The following ZNF541 variants were observed in gnomAD, a reference collection of about 807,000 sequenced individuals.
ZNF541 encodes zinc finger protein 541.
A neutral mutation model predicts 123.5 loss-of-function variants in ZNF541; 23 were observed. That is an observed-to-expected ratio of 0.19 (90% CI 0.13 to 0.26). ZNF541 has a LOEUF of 0.26. ZNF541 is among the 10% of genes least tolerant of loss of function. The pLI is 1.00. For missense variants in ZNF541, 1,612 were observed against 1,789.9 expected (o/e 0.90, Z 1.79); for synonymous variants, 751 against 754.5 (o/e 1.00, Z 0.08).
chr19:47,572,068 A>C lies in ZNF541; in HGVS notation c.-245-26T>G, dbSNP rs140496857. 5.4e-3 allele frequency among the ~76,000 whole-genome samples: 829 copies of C among 152,318 alleles called. 5 individuals are homozygous for C. Among genetic ancestry groups the C allele is most frequent in the Non-Finnish European group, 9.5e-3 (643 of 68,030 alleles). On this transcript the variant is annotated intron_variant, in intron 1 of 16. Transcript: ENST00000391901. ...CTGAAAGCAGGTGGTGGGAAGGAAG[A>C]AGCAGTCAGGACTTGGGTCCCAAAG...
At chr19:47,556,128 A>G (rs1315680966) in intron 2 of ZNF541, among the ~76,000 whole-genome samples, 174 bp from the exon 3 acceptor site, 1 of 152,226 alleles carries the variant, frequency 6.6e-6, no homozygotes, top group Non-Finnish European at 1.5e-5. Context: ...CCTCATCTGT[A>G]AACTGGGCAT....
Position 47,540,351 on chromosome 19 carries a change from G to A in ZNF541, c.2463-16C>T. ...TTGCTGGTTACTGTGGGACATGGCA[G>A]GAAAGAAGAGTGGGAGATTAGGACT... is the stretch of plus-strand genomic sequence containing the variant. On this transcript the variant is annotated splice_polypyrimidine_tract_variant and intron_variant, in intron 6 of 16. Coordinates refer to ENST00000391901, the MANE Select transcript of ZNF541 (RefSeq NM_001277075.3). The A allele has an allele frequency of 6.5e-7, 1 of 1,545,206 alleles. No homozygotes were observed. The highest frequency in any genetic ancestry group is 8.7e-7 in the Non-Finnish European group (1 of 1,143,258).
At chr19:47,543,787 C>T (rs955954457) in intron 5 of ZNF541, among the ~76,000 whole-genome samples, 5 of 151,794 alleles carry the variant, frequency 3.3e-5, no homozygotes, top group African/African-American at 7.3e-5. Context: ...GGACCACAGG[C>T]GTGTGCCACC....
chr19:47,545,080 C>G lies in ZNF541; in HGVS notation c.1449G>C (p.Ala483=), dbSNP rs929865656. Residue 483 remains alanine (A), a synonymous_variant, in exon 5 of 17, where the codon GCG becomes GCC. Transcript: ENST00000391901. This position sits in a 1 kb window ranked among gnomAD's most constrained non-coding sequence, Gnocchi z 7.5. ...PFPAALLRVP[A]EAPSDPRSAS... Reference sequence around the variant, plus strand: ...CCGACCTGGGGTCGCTCGGGGCCTCCGCGGGGACCCTGAGGAGCGCGGCAG... The same window carrying G: ...CCGACCTGGGGTCGCTCGGGGCCTCGGCGGGGACCCTGAGGAGCGCGGCAG... 3 of 1,477,414 alleles carry G rather than the reference C, an allele frequency of 2.0e-6. No individual in the cohort carries two copies. The African/African-American group carries it at 4.2e-5, about 21-fold the overall frequency. 91.5% of individuals were successfully genotyped at this position (1,477,414 alleles called of 1,614,324 possible). A position where few individuals can be genotyped will look rare whatever the true frequency, so the allele number is the denominator to read the frequency against.
chr19:47,525,934 A>C (rs934476692), intron 14 of ZNF541, among the ~76,000 whole-genome samples: 40 of 151,842 alleles, frequency 2.6e-4, no homozygotes, highest in Non-Finnish European at 4.6e-4. Context: ...AAAAAAAAAA[A>C]AAAAAAACTT....
intron 9 of ZNF541, among the ~76,000 whole-genome samples, chr19:47,536,870 C>T (rs1044133608): frequency 6.6e-6 from 1 of 152,090 alleles, no homozygotes; most frequent in Non-Finnish European, 1.5e-5. Flanking sequence ...CAAAATGGGG[C>T]CCATCTGTAC....
chr19:47,564,491 C>T (rs571761448), intron 2 of ZNF541, among the ~76,000 whole-genome samples: 3 of 152,272 alleles, frequency 2.0e-5, no homozygotes, highest in Admixed American at 1.3e-4. Flanking sequence ...TCCTGCAACC[C>T]GGCAGACATT....
At chr19:47,540,015 C>A in intron 7 of ZNF541, 137 bp from the exon 8 acceptor site, 1 of 1,418,640 alleles carries the variant, frequency 7.0e-7, no homozygotes. Context: ...GCTGCTGCAG[C>A]CCATGGCAAT....
intron 12 of ZNF541, among the ~76,000 whole-genome samples, chr19:47,531,238 G>T (rs991578114): frequency 3.5e-5 from 5 of 142,454 alleles, no homozygotes; most frequent in South Asian, 2.2e-4. Flanking sequence ...TGAGCGGGGG[G>T]GGGGGGGGGG....
chr19:47,545,245 G>A lies in ZNF541; in HGVS notation c.1284C>T (p.Asn428=). The A allele has an allele frequency of 6.5e-7, 1 of 1,548,326 alleles. No individual in the cohort carries two copies. The change falls in exon 5 of 17, where the codon AAC becomes AAT. Residue 428 remains asparagine (N), a synonymous_variant. Coordinates refer to ENST00000391901, the MANE Select transcript of ZNF541 (RefSeq NM_001277075.3). The surrounding 1 kb of genome is among the most constrained non-coding windows in gnomAD (Gnocchi z 7.5). ...NLPGCPKSKG[N]NVFVVHKPSA... is the part of the protein sequence containing the mutation. ...AGGGCTTGTGGACAACAAACACGTT[G>A]TTGCCTTTGCTTTTGGGACAGCCCG...
chr19:47,530,380 T>A (rs1969511351), intron 12 of ZNF541, among the ~76,000 whole-genome samples: 1 of 149,742 alleles, frequency 6.7e-6, no homozygotes, highest in South Asian at 2.1e-4. Flanking sequence ...GACGGGATTT[T>A]ACCATGTTAG....
chr19:47,569,054 T>C (rs1458415263), intron 2 of ZNF541, among the ~76,000 whole-genome samples: 1 of 150,008 alleles, frequency 6.7e-6, no homozygotes, highest in Non-Finnish European at 1.5e-5. Context: ...TCATCAACAT[T>C]TTTTTTTAAT....
chr19:47,559,409 G>A (rs1269750652), intron 2 of ZNF541, among the ~76,000 whole-genome samples: 1 of 151,108 alleles, frequency 6.6e-6, no homozygotes, highest in Non-Finnish European at 1.5e-5. Context: ...AAGAAGGAAG[G>A]AAGGAAGGAA....
chr19:47,569,999 G>A (rs1005438182), intron 2 of ZNF541, among the ~76,000 whole-genome samples: 4 of 152,126 alleles, frequency 2.6e-5, no homozygotes, highest in Non-Finnish European at 5.9e-5. Flanking sequence ...CTCTGGCCGG[G>A]CACGGTGGCT....
At chr19:47,536,188 A>C (rs1442780448) in intron 9 of ZNF541, among the ~76,000 whole-genome samples, 1 of 152,210 alleles carries the variant, frequency 6.6e-6, no homozygotes, top group African/African-American at 2.4e-5. Flanking sequence ...CCTTGCCCTC[A>C]TTCCGGTAAA....
chr19:47,539,700 CCCA>C lies in ZNF541; in HGVS notation c.2796+2_2796+4del. On this transcript the variant is annotated splice_donor_variant and splice_donor_region_variant and intron_variant, in intron 8 of 16. Transcript: ENST00000391901. LOFTEE classifies it high-confidence loss of function. Reference sequence around the variant, plus strand: ...CAGGAAGGAGGCAGGCCGACAAGCACCCACCATGGCCATGCTCCCTATGTGTCG... The same window carrying C: ...CAGGAAGGAGGCAGGCCGACAAGCACCCATGGCCATGCTCCCTATGTGTCG... The C allele has an allele frequency of 7.2e-7, 1 of 1,394,594 alleles. No homozygotes were observed. Among genetic ancestry groups the C allele is most frequent in the Non-Finnish European group, 9.3e-7 (1 of 1,075,378 alleles). The allele number at this position is 1,394,594 out of a possible 1,614,324, so 86.4% of individuals were successfully genotyped here.
intron 7 of ZNF541, 32 bp from the exon 8 acceptor site, chr19:47,539,910 A>C: frequency 6.6e-7 from 1 of 1,516,766 alleles, no homozygotes; most frequent in Non-Finnish European, 8.8e-7. Context: ...TGGCTCTTTA[A>C]GAGATAAGGT....
chr19:47,526,679 C>A (rs1003815431), intron 14 of ZNF541, among the ~76,000 whole-genome samples: 5 of 152,120 alleles, frequency 3.3e-5, no homozygotes, highest in African/African-American at 9.7e-5. Flanking sequence ...AAAGGACTGG[C>A]CCTACCCAGG....
chr19:47,560,576 C>CAAA (rs77981071), intron 2 of ZNF541, among the ~76,000 whole-genome samples: 18 of 53,782 alleles, frequency 3.3e-4, no homozygotes, highest in African/African-American at 1.1e-3. Flanking sequence ...AACTCTGTCC[C>CAAA]AAAAAAAAAA....
Sources: gnomAD v4.1 joint callset for allele counts (sites outside exome capture counted in the v4.1 genomes callset) on GRCh38, gnomAD v4.1.1 for gene constraint, Gnocchi (gnomAD v3.1) non-coding constraint, MANE v1.5 for transcripts, NCBI Gene and HGNC (gene_info 2026-07-23, HGNC 2026-07-21) for gene names.